Variants in PARD3 observed in about 807,000 individuals in gnomAD.
PARD3 encodes partitioning defective 3 homolog.
A neutral mutation model predicts 155.4 loss-of-function variants in PARD3; 75 were observed. That is an observed-to-expected ratio of 0.48 (90% confidence interval 0.40 to 0.58). The LOEUF is 0.58. Among genes scored for constraint, PARD3 ranks in the 20% least tolerant of loss-of-function variants. The pLI is 0.00. For missense variants in PARD3, 1,642 were observed against 1,721.7 expected (o/e 0.95, Z 0.82); for synonymous variants, 576 against 610.5 (o/e 0.94, Z 0.83).
At chr10:34,790,954 C>T (rs555584088) in intron 1 of PARD3, among the ~76,000 whole-genome samples, 27 of 152,286 alleles carry the variant, frequency 1.8e-4, no homozygotes, top group Admixed American at 5.2e-4. Context: ...GAAGCGCATG[C>T]GTGGCACGCA....
At chr10:34,223,239 C>G (rs1033488665) in intron 22 of PARD3, among the ~76,000 whole-genome samples, 1 of 152,108 alleles carries the variant, frequency 6.6e-6, no homozygotes, top group African/African-American at 2.4e-5. Context: ...CACAAGACAA[C>G]TGGCCCAGAT....
At chr10:34,692,051 G>A (rs997427731) in intron 2 of PARD3, among the ~76,000 whole-genome samples, 3 of 152,112 alleles carry the variant, frequency 2.0e-5, no homozygotes, top group African/African-American at 4.8e-5. Flanking sequence ...GGCCAACATG[G>A]TGAAATCCCA....
chr10:34,179,170 A>ACGTGCGTGCGCACG (rs1343979317), intron 22 of PARD3, among the ~76,000 whole-genome samples: 1 of 78,484 alleles, frequency 1.3e-5, no homozygotes, highest in Non-Finnish European at 2.3e-5. Context: ...GCGTGCGCGC[A>ACGTGCGTGCGCACG]CACACACACA....
At chr10:34,229,682 G>T (rs2133556953) in intron 22 of PARD3, among the ~76,000 whole-genome samples, 1 of 151,972 alleles carries the variant, frequency 6.6e-6, no homozygotes, top group East Asian at 1.9e-4. Context: ...GTGTGTGTGT[G>T]TGTGTTCAAC....
intron 22 of PARD3, among the ~76,000 whole-genome samples, chr10:34,144,344 A>T (rs1187254872): frequency 6.6e-6 from 1 of 152,212 alleles, no homozygotes; most frequent in Non-Finnish European, 1.5e-5. Flanking sequence ...CAAGACTTTT[A>T]AAGCTTTCAG....
chr10:34,387,259 A>C (rs7095856), intron 7 of PARD3, among the ~76,000 whole-genome samples: 6,209 of 152,304 alleles, frequency 0.041, 409 homozygotes, highest in African/African-American at 0.14. Flanking sequence ...TAGTCCATAG[A>C]AAATTTTTAC....
At chr10:34,280,954 C>T (rs10827345) in intron 21 of PARD3, among the ~76,000 whole-genome samples, 5,786 of 152,228 alleles carry the variant, frequency 0.038, 303 homozygotes, top group African/African-American at 0.12. Flanking sequence ...TACTTGTAAA[C>T]AGAACACATT....
chr10:34,267,689 G>A (rs948109436), intron 22 of PARD3, among the ~76,000 whole-genome samples: 3 of 152,286 alleles, frequency 2.0e-5, no homozygotes, highest in East Asian at 3.9e-4. Context: ...GGTGCAAAAC[G>A]TAGCAACCAA....
intron 15 of PARD3, chr10:34,344,508 C>T (rs1837195300): frequency 1.3e-6 from 1 of 791,394 alleles, no homozygotes; most frequent in Non-Finnish European, 1.5e-6. Context: ...TCTTAAACTC[C>T]TGACCTCAGT....
intron 1 of PARD3, among the ~76,000 whole-genome samples, chr10:34,807,678 TTGTG>T (rs34980975): frequency 5.4e-5 from 7 of 129,110 alleles, no homozygotes; most frequent in East Asian, 2.1e-4. Flanking sequence ...TCTTGTGTGC[TTGTG>T]TGTGTGTGTA....
intron 1 of PARD3, among the ~76,000 whole-genome samples, chr10:34,771,243 A>G (rs1411886726): frequency 6.6e-6 from 1 of 152,224 alleles, no homozygotes; most frequent in East Asian, 1.9e-4. Context: ...GCTGGGCACA[A>G]TGGTTACATC....
At chr10:34,293,975 A>G (rs368793903) in intron 20 of PARD3, among the ~76,000 whole-genome samples, 1 of 152,244 alleles carries the variant, frequency 6.6e-6, no homozygotes, top group Non-Finnish European at 1.5e-5. Context: ...GGCAGTCCCC[A>G]TAAGAAATGC....
At position 34,132,557 on chromosome 10, in the gene PARD3, C is replaced by T. The variant is rs77352015; in HGVS notation, c.3420-974G>A. 8.3e-3 allele frequency among the ~76,000 whole-genome samples: 1,263 copies of T among 152,240 alleles called. 12 individuals carry two copies. Among genetic ancestry groups the T allele is most frequent in the Non-Finnish European group, 0.014 (970 of 68,006 alleles). Reference sequence around the variant, plus strand: ...GTACAAATTTTAAAAAGAGTATTTTCGCCAAGAGTAATAGAGATTGATGAC... The same window carrying T: ...GTACAAATTTTAAAAAGAGTATTTTTGCCAAGAGTAATAGAGATTGATGAC... On this transcript the variant is annotated intron_variant, in intron 22 of 24. Transcript: ENST00000374788.
intron 22 of PARD3, among the ~76,000 whole-genome samples, chr10:34,202,883 T>C (rs1047726194): frequency 6.6e-6 from 1 of 152,082 alleles, no homozygotes; most frequent in Non-Finnish European, 1.5e-5. Flanking sequence ...CAGAAAAAAA[T>C]ACAACAGTAA....
intron 3 of PARD3, among the ~76,000 whole-genome samples, chr10:34,473,478 G>C (rs574798589): frequency 6.6e-6 from 1 of 152,012 alleles, no homozygotes; most frequent in South Asian, 2.1e-4. Flanking sequence ...CTTGAGGTCA[G>C]GAGTTCAAGA....
At chr10:34,628,844 A>G (rs572871906) in intron 2 of PARD3, among the ~76,000 whole-genome samples, 13 of 152,230 alleles carry the variant, frequency 8.5e-5, no homozygotes, top group African/African-American at 1.7e-4. Flanking sequence ...GACGAACAAG[A>G]AACAAACAAA....
intron 2 of PARD3, among the ~76,000 whole-genome samples, chr10:34,636,341 C>A (rs1349208598): frequency 6.6e-6 from 1 of 152,190 alleles, no homozygotes; most frequent in East Asian, 1.9e-4. Context: ...ACCCACACTG[C>A]TGCCTCCTCC....
intron 2 of PARD3, among the ~76,000 whole-genome samples, chr10:34,668,183 T>A (rs1046752603): frequency 1.3e-5 from 2 of 152,144 alleles, no homozygotes; most frequent in Non-Finnish European, 2.9e-5. Context: ...CCATCAAGAC[T>A]CCAGGACTAT....
chr10:34,469,707 T>C (rs985323029), intron 4 of PARD3, among the ~76,000 whole-genome samples: 1 of 151,860 alleles, frequency 6.6e-6, no homozygotes, highest in Non-Finnish European at 1.5e-5. Context: ...TGTAAGAACA[T>C]AGAAAAAGCA....
Sources: gnomAD v4.1 joint callset for allele counts (sites outside exome capture counted in the v4.1 genomes callset) on GRCh38, gnomAD v4.1.1 for gene constraint, MANE v1.5 for transcripts, NCBI Gene and HGNC (gene_info 2026-07-23, HGNC 2026-07-21) for gene names.